Variants in CLTCL1 observed in about 807,000 individuals in gnomAD.
CLTCL1 encodes the protein clathrin heavy chain like 1, also known as clathrin heavy chain 2.
In CLTCL1, 159 loss-of-function variants were observed where a neutral mutation model predicts 190.0. The ratio of observed to expected loss-of-function variants is 0.84; its 90% CI spans 0.74 to 0.95. CLTCL1 has a LOEUF of 0.95. Among genes scored for constraint, CLTCL1 ranks in the 40% least tolerant of loss-of-function variants. CLTCL1 has a pLI of 0.00. For synonymous variants in CLTCL1, 752 were observed against 769.6 expected, an observed-to-expected ratio of 0.98 and a Z score of 0.38; for missense variants, 1,878 against 2,033.4, an observed-to-expected ratio of 0.92 and a Z score of 1.47.
At chr22:19,202,761 A>G (rs2084938454) in intron 22 of CLTCL1, among the ~76,000 whole-genome samples, 1 of 152,078 alleles carries the variant, frequency 6.6e-6, no homozygotes, top group African/African-American at 2.4e-5. Flanking sequence ...TCTCTTCTCA[A>G]AGCTCTAACG....
rs5748069 is a variant in CLTCL1, at chr22:19,244,619, G to A, written c.520-1683C>T. 9.4e-3 allele frequency among the ~76,000 whole-genome samples: 1,435 copies of A among 152,262 alleles called. 35 individuals are homozygous for A. Among genetic ancestry groups the A allele is most frequent in the East Asian group, 0.069 (355 of 5,170 alleles). ...GTCCTAAAGGTACAGATACCTAAAC[G>A]AAGCCTAAACTGCAGCCAAGACGAA... On this transcript the variant is annotated intron_variant, in intron 3 of 32. Coordinates refer to ENST00000427926, the MANE Select transcript of CLTCL1 (RefSeq NM_007098.4).
At chr22:19,208,794 T>C in intron 21 of CLTCL1, 128 bp downstream of exon 21, 1 of 755,188 alleles carries the variant, frequency 1.3e-6, no homozygotes, top group Non-Finnish European at 2.1e-6. Flanking sequence ...AACTTTCATG[T>C]AGATGTGCCC....
chr22:19,248,507 A>T (rs1219574195), intron 3 of CLTCL1, among the ~76,000 whole-genome samples: 1 of 152,126 alleles, frequency 6.6e-6, no homozygotes, highest in Non-Finnish European at 1.5e-5. Flanking sequence ...ATAGTTTTAG[A>T]ACACTTTCAT....
rs1047580749 is a variant in CLTCL1, at chr22:19,179,629, C to G, written c.*361G>C. On this transcript the variant is annotated 3_prime_UTR_variant, in exon 33 of 33. Transcript: ENST00000427926. ...AGTCGGAGGCGCCCAGGAGGAAGGCCTGGCTCCAGCAGGAGGGCCCACAGT... is the reference window on the plus strand; with the variant it reads ...AGTCGGAGGCGCCCAGGAGGAAGGCGTGGCTCCAGCAGGAGGGCCCACAGT... 10 of 156,800 alleles carry G rather than the reference C, an allele frequency of 6.4e-5. No individual in the cohort carries two copies. The highest frequency in any genetic ancestry group is 3.7e-4 in the Admixed American group (6 of 16,244). The allele number at this position is 156,800 out of a possible 1,614,324, so 9.7% of individuals were successfully genotyped here. A position where few individuals can be genotyped will look rare whatever the true frequency, so the allele number is the denominator to read the frequency against.
At chr22:19,286,462 G>C (rs2087910181) in intron 1 of CLTCL1, among the ~76,000 whole-genome samples, 1 of 152,158 alleles carries the variant, frequency 6.6e-6, no homozygotes, top group African/African-American at 2.4e-5. Flanking sequence ...AATAATTTTA[G>C]GATGCAATGA....
At chr22:19,185,241 A>G (rs568836671) in intron 29 of CLTCL1, among the ~76,000 whole-genome samples, 1 of 152,226 alleles carries the variant, frequency 6.6e-6, no homozygotes, top group African/African-American at 2.4e-5. Context: ...CCACGCCCTA[A>G]GCTGTGACAA....
At chr22:19,227,449 C>CTT (rs1216657802) in intron 11 of CLTCL1, among the ~76,000 whole-genome samples, 19 of 125,316 alleles carry the variant, frequency 1.5e-4, no homozygotes, top group South Asian at 8.2e-4. Flanking sequence ...CACCTGGCTA[C>CTT]TTTTTTTTTT....
chr22:19,235,706 T>C lies in CLTCL1; in HGVS notation c.959A>G (p.Lys320Arg), dbSNP rs200941982. ...KPTSGIIGVN[K>R]KGQVLSVCVE... ...GTCAGAGTTACACACCTGTCCCTTT[T>C]TGTTGACACCAATAATTCCAGAGGT... Residue 320 changes from lysine (K) to arginine (R), a missense_variant, in exon 6 of 33, where the codon AAA becomes AGA. Lys to Arg is a conservative substitution (Grantham distance 26, BLOSUM62 2). Coordinates refer to ENST00000427926, the MANE Select transcript of CLTCL1 (RefSeq NM_007098.4). 8.5e-4 allele frequency: 1,368 copies of C among 1,613,134 alleles called. 6 individuals are homozygous for C. Among genetic ancestry groups the C allele is most frequent in the South Asian group, 2.3e-3 (213 of 90,876 alleles).
chr22:19,239,449 C>T (rs879988722), intron 4 of CLTCL1, 61 bp from the exon 5 acceptor site: 1 of 1,249,748 alleles, frequency 8.0e-7, no homozygotes, highest in East Asian at 2.3e-5. Context: ...AAGTGCTAGT[C>T]AAGGCACAGA....
rs2084070911 is a variant in CLTCL1 at position 19,179,935 on chromosome 22, G to C, written c.*55C>G. The C allele has an allele frequency of 1.9e-6, 1 of 532,628 alleles. No individual in the cohort carries two copies. Among genetic ancestry groups the C allele is most frequent in the South Asian group, 2.2e-5 (1 of 45,108 alleles). 33.0% of individuals were successfully genotyped at this position (532,628 alleles called of 1,614,324 possible). Reference sequence around the variant, plus strand: ...AGTTGGGAGCAGAGGCATATCCATAGGGGAAGCTGGCAGGGGCTGGGCCCA... The same window carrying C: ...AGTTGGGAGCAGAGGCATATCCATACGGGAAGCTGGCAGGGGCTGGGCCCA... On this transcript the variant is annotated 3_prime_UTR_variant, in exon 33 of 33. Coordinates refer to ENST00000427926, the MANE Select transcript of CLTCL1 (RefSeq NM_007098.4).
rs534328288 is a variant in CLTCL1 at position 19,281,487 on chromosome 22, T to A, written c.43-5657A>T. Among the ~76,000 whole-genome samples, 19 of 152,238 alleles carry A rather than the reference T, an allele frequency of 1.2e-4. No individual in the cohort carries two copies. In the South Asian group the frequency reaches 3.7e-3, roughly 30 times the overall value. On this transcript the variant is annotated intron_variant, in intron 1 of 32. Transcript: ENST00000427926. ...CAAAGAGTTCTCTCTTGGTGACACA[T>A]CCTAAAGTGTTTAAGGATAAAACAA... is the stretch of plus-strand genomic sequence containing the variant.
intron 16 of CLTCL1, 124 bp from the exon 17 acceptor site, chr22:19,221,735 C>T (rs2085577359): frequency 3.0e-6 from 3 of 1,014,648 alleles, no homozygotes; most frequent in Non-Finnish European, 2.8e-6. Flanking sequence ...CTTCAGGTTG[C>T]TCTAGGGACC....
intron 6 of CLTCL1, among the ~76,000 whole-genome samples, chr22:19,234,908 T>C (rs2086031812): frequency 6.6e-6 from 1 of 151,944 alleles, no homozygotes; most frequent in Non-Finnish European, 1.5e-5. Context: ...TAGGAGTCTA[T>C]GTAGTTATTA....
chr22:19,258,651 T>C (rs1213261088), intron 2 of CLTCL1: 10 of 636,626 alleles, frequency 1.6e-5, no homozygotes, highest in Non-Finnish European at 2.9e-5. Context: ...GATCACCACC[T>C]ACCACCGCCT....
At chr22:19,191,193 C>T (rs2084490785) in intron 27 of CLTCL1, 111 bp downstream of exon 27, 2 of 1,324,816 alleles carry the variant, frequency 1.5e-6, no homozygotes, top group Non-Finnish European at 2.1e-6. Flanking sequence ...GGTGAATCTT[C>T]AAGTCAGCTG....
intron 21 of CLTCL1, among the ~76,000 whole-genome samples, 181 bp downstream of exon 21, chr22:19,208,741 G>A (rs1246100071): frequency 6.6e-6 from 1 of 151,814 alleles, no homozygotes; most frequent in South Asian, 2.1e-4. Context: ...CTAAAGAGCT[G>A]GTGTCAATAA....
chr22:19,229,713 G>A, intron 11 of CLTCL1, 125 bp downstream of exon 11: 1 of 873,198 alleles, frequency 1.1e-6, no homozygotes, highest in Non-Finnish European at 1.6e-6. Flanking sequence ...AATGTCCACT[G>A]AGAAGTACAA....
chr22:19,272,368 C>T (rs184655578), intron 2 of CLTCL1, among the ~76,000 whole-genome samples: 64 of 152,326 alleles, frequency 4.2e-4, no homozygotes, highest in Admixed American at 9.2e-4. Context: ...CGGGCAATGA[C>T]GTGGGCTGAG....
At chr22:19,271,656 T>C (rs781941000) in intron 2 of CLTCL1, among the ~76,000 whole-genome samples, 1 of 152,174 alleles carries the variant, frequency 6.6e-6, no homozygotes, top group South Asian at 2.1e-4. Flanking sequence ...TAGTTCTTTA[T>C]AGCACTGTGA....
Sources: allele counts gnomAD v4.1 joint callset (sites outside exome capture counted in the v4.1 genomes callset), GRCh38; gene constraint gnomAD v4.1.1; transcripts MANE v1.5; gene names NCBI Gene and HGNC (gene_info 2026-07-23, HGNC 2026-07-21).